DYNC1I1: variants seen among roughly 807,000 people sequenced by gnomAD.
DYNC1I1 encodes cytoplasmic dynein 1 intermediate chain 1.
A neutral mutation model predicts 86.6 loss-of-function variants in DYNC1I1; 43 were observed. The ratio of observed to expected loss-of-function variants is 0.50; its 90% CI spans 0.39 to 0.64. DYNC1I1 has a LOEUF of 0.64. Among genes scored for constraint, DYNC1I1 ranks in the 30% least tolerant of loss-of-function variants. The pLI is 0.00. For missense variants in DYNC1I1, 604 were observed against 788.8 expected (o/e 0.77, Z 2.81); for synonymous variants, 262 against 283.7 (o/e 0.92, Z 0.77).
chr7:95,855,690 A>G (rs1789701513), intron 5 of DYNC1I1, among the ~76,000 whole-genome samples: 1 of 152,216 alleles, frequency 6.6e-6, no homozygotes, highest in Non-Finnish European at 1.5e-5. Flanking sequence ...CCTGTATGAC[A>G]TGTTACTATA....
intron 2 of DYNC1I1, 57 bp from the exon 3 acceptor site, chr7:95,810,335 A>G: frequency 6.9e-7 from 1 of 1,444,992 alleles, no homozygotes; most frequent in South Asian, 1.3e-5. Context: ...AGTTTCAGCC[A>G]GGAAAAGCAT....
chr7:96,011,584 T>C (rs1442857953), intron 10 of DYNC1I1, among the ~76,000 whole-genome samples: 3 of 152,198 alleles, frequency 2.0e-5, no homozygotes, highest in Non-Finnish European at 2.9e-5. Flanking sequence ...CACAGAAATA[T>C]TCTATTTGTA....
rs544540713 is a variant in DYNC1I1 at position 95,906,672 on chromosome 7, A to G, written c.490+36674A>G. ...AAACAGACCTTTAAGCTGTATGCTTATATTTACTGGGGTGGGAGAATTTGT... is the reference window on the plus strand; with the variant it reads ...AAACAGACCTTTAAGCTGTATGCTTGTATTTACTGGGGTGGGAGAATTTGT... On this transcript the variant is annotated intron_variant, in intron 6 of 16. Coordinates refer to ENST00000447467, the MANE Select transcript of DYNC1I1 (RefSeq NM_001135556.2). Among the ~76,000 whole-genome samples, 5 of 152,102 alleles carry G rather than the reference A, an allele frequency of 3.3e-5. No homozygotes were observed. In the South Asian group the frequency reaches 6.2e-4, roughly 19 times the overall value.
At chr7:96,085,732 TG>T (rs1184650728) in intron 16 of DYNC1I1, among the ~76,000 whole-genome samples, 1 of 152,228 alleles carries the variant, frequency 6.6e-6, no homozygotes, top group Non-Finnish European at 1.5e-5. Flanking sequence ...AGTGGTTGCA[TG>T]CACCATTTAA....
intron 6 of DYNC1I1, among the ~76,000 whole-genome samples, chr7:95,940,101 T>C (rs974301195): frequency 3.9e-5 from 6 of 152,332 alleles, no homozygotes; most frequent in Admixed American, 3.3e-4. Flanking sequence ...AAAATTCTTT[T>C]CTTTAAGAAT....
intron 14 of DYNC1I1, among the ~76,000 whole-genome samples, chr7:96,074,951 A>T (rs1003590961): frequency 1.3e-5 from 2 of 152,230 alleles, no homozygotes; most frequent in Non-Finnish European, 2.9e-5. Flanking sequence ...GACATTGGGG[A>T]AAAAAACTCC....
intron 6 of DYNC1I1, among the ~76,000 whole-genome samples, chr7:95,891,969 C>CT (rs11322703): frequency 2.0e-5 from 3 of 150,846 alleles, no homozygotes; most frequent in African/African-American, 4.9e-5. Flanking sequence ...GTTTTTGTAA[C>CT]TTTTTTTTTT....
intron 6 of DYNC1I1, among the ~76,000 whole-genome samples, chr7:95,890,128 A>C (rs1306853816): frequency 2.0e-5 from 3 of 152,212 alleles, no homozygotes; most frequent in Non-Finnish European, 4.4e-5. Context: ...AGGCATATGC[A>C]TGTGTATGTT....
chr7:95,972,629 T>TC lies in DYNC1I1; in HGVS notation c.491-4879dup, dbSNP rs111939032. On this transcript the variant is annotated intron_variant, in intron 6 of 16. Transcript: ENST00000447467. ...AACACTGACAAATGTTCCACTGCAC[T>TC]CCCCTTCAAATACCTCACATTTGTA... Among the ~76,000 whole-genome samples, 1,294 of 152,258 alleles carry TC rather than the reference T, an allele frequency of 8.5e-3. 16 individuals carry two copies. The highest frequency in any genetic ancestry group is 0.03 in the African/African-American group (1,239 of 41,560).
intron 10 of DYNC1I1, among the ~76,000 whole-genome samples, chr7:96,008,136 C>A (rs1464860442): frequency 6.6e-6 from 1 of 152,216 alleles, no homozygotes. Flanking sequence ...TTGAGTAACT[C>A]TCCTCCTTTA....
At chr7:95,965,175 G>A (rs1302864570) in intron 6 of DYNC1I1, among the ~76,000 whole-genome samples, 1 of 152,228 alleles carries the variant, frequency 6.6e-6, no homozygotes, top group Non-Finnish European at 1.5e-5. Context: ...CAAGGAAAAA[G>A]AAGCTGGAGT....
intron 4 of DYNC1I1, among the ~76,000 whole-genome samples, chr7:95,815,013 A>T (rs921647329): frequency 2.0e-5 from 3 of 152,120 alleles, no homozygotes; most frequent in African/African-American, 7.2e-5. Context: ...GCCTATCATT[A>T]AGTTAATGTA....
intron 6 of DYNC1I1, among the ~76,000 whole-genome samples, chr7:95,920,612 T>C (rs1472301776): frequency 6.6e-6 from 1 of 152,226 alleles, no homozygotes; most frequent in African/African-American, 2.4e-5. Flanking sequence ...TTCTTTACAC[T>C]AAAACTATTG....
At chr7:95,945,888 G>A (rs556217240) in intron 6 of DYNC1I1, among the ~76,000 whole-genome samples, 2 of 152,106 alleles carry the variant, frequency 1.3e-5, no homozygotes, top group Non-Finnish European at 2.9e-5. Flanking sequence ...CAATAGCAAA[G>A]ACATGGAATC....
At chr7:95,942,280 G>A (rs557737246) in intron 6 of DYNC1I1, among the ~76,000 whole-genome samples, 13 of 152,062 alleles carry the variant, frequency 8.5e-5, no homozygotes, top group Admixed American at 5.2e-4. Context: ...AGAAGAAATC[G>A]ATAAGTTCCT....
chr7:96,028,116 C>CA, intron 10 of DYNC1I1, 59 bp from the exon 11 acceptor site: 3 of 1,575,266 alleles, frequency 1.9e-6, no homozygotes. Flanking sequence ...CAGGAAGAAA[C>CA]AAGTCACCTA....
chr7:95,971,548 A>G (rs1297604471), intron 6 of DYNC1I1, among the ~76,000 whole-genome samples: 1 of 152,154 alleles, frequency 6.6e-6, no homozygotes, highest in Non-Finnish European at 1.5e-5. Context: ...CTCCAAGTCT[A>G]TTCTCCAATA....
At chr7:95,976,615 T>C (rs1019666509) in intron 6 of DYNC1I1, among the ~76,000 whole-genome samples, 1 of 152,172 alleles carries the variant, frequency 6.6e-6, no homozygotes, top group Admixed American at 6.5e-5. Flanking sequence ...TCTTTTCAAC[T>C]CTCTTTGAAC....
intron 10 of DYNC1I1, among the ~76,000 whole-genome samples, chr7:95,998,825 G>A (rs1285066237): frequency 4.0e-4 from 61 of 152,304 alleles, no homozygotes; most frequent in African/African-American, 1.2e-3. Context: ...CATTGTGTCA[G>A]TCAGTGGAAA....
Sources: allele counts gnomAD v4.1 joint callset (sites outside exome capture counted in the v4.1 genomes callset), GRCh38; gene constraint gnomAD v4.1.1; transcripts MANE v1.5; gene names NCBI Gene and HGNC (gene_info 2026-07-23, HGNC 2026-07-21).